The following PTPRQ variants were observed in gnomAD, a reference collection of about 807,000 sequenced individuals.
PTPRQ encodes protein tyrosine phosphatase receptor type Q, also known as phosphatidylinositol phosphatase PTPRQ.
A neutral mutation model predicts 246.0 loss-of-function variants in PTPRQ; 199 were observed. The observed-to-expected ratio is 0.81, with a 90% confidence interval of 0.72 to 0.91. The LOEUF is 0.91. Ranked by LOEUF, PTPRQ falls within the 40% of genes least tolerant of loss-of-function variation. The pLI is 0.00. For missense variants in PTPRQ, 2,624 were observed against 2,528.4 expected (o/e 1.04, Z -0.81); for synonymous variants, 869 against 853.2 (o/e 1.02, Z -0.32).
At chr12:80,487,980 A>C (rs1011793797) in intron 9 of PTPRQ, among the ~76,000 whole-genome samples, 16 of 152,022 alleles carry the variant, frequency 1.1e-4, no homozygotes, top group Admixed American at 6.6e-5. Flanking sequence ...CTAGGGAAGA[A>C]TCTACTTGCA....
Position 80,444,731 on chromosome 12 carries a change from G to C in PTPRQ, c.55-10G>C. ...AATTTTAATGCAACTATTTGTTTGT[G>C]GTGTTCTAGGTTGATGTTTCCAATG... On this transcript the variant is annotated splice_polypyrimidine_tract_variant and intron_variant, in intron 1 of 44. Coordinates refer to ENST00000644991, the MANE Select transcript of PTPRQ (RefSeq NM_001145026.2). 6.6e-7 allele frequency: 1 copy of C among 1,522,106 alleles called. No individual in the cohort carries two copies. The allele number at this position is 1,522,106 out of a possible 1,614,324, so 94.3% of individuals were successfully genotyped here. A position where few individuals can be genotyped will look rare whatever the true frequency, so the allele number is the denominator to read the frequency against.
chr12:80,550,227 C>T (rs900360323), intron 25 of PTPRQ, among the ~76,000 whole-genome samples: 5 of 152,036 alleles, frequency 3.3e-5, no homozygotes, highest in East Asian at 3.9e-4. Flanking sequence ...GTCCACAAGA[C>T]GAAATTCTCA....
chr12:80,523,963 G>T lies in PTPRQ; in HGVS notation c.2679-10052G>T, dbSNP rs533579617. Among the ~76,000 whole-genome samples the T allele has an allele frequency of 3.9e-5, 6 of 152,188 alleles. No individual in the cohort carries two copies. The East Asian group carries it at 7.7e-4, about 20-fold the overall frequency. On this transcript the variant is annotated intron_variant, in intron 17 of 44. Coordinates refer to ENST00000644991, the MANE Select transcript of PTPRQ (RefSeq NM_001145026.2). ...TTGATCTGTCTAATGTTGACAGGGG[G>T]TGTTAAAGTCTCCCATTATTATTGT... is the stretch of plus-strand genomic sequence containing the variant.
chr12:80,615,919 T>C (rs1028575766), intron 29 of PTPRQ, among the ~76,000 whole-genome samples: 1 of 150,942 alleles, frequency 6.6e-6, no homozygotes, highest in Non-Finnish European at 1.5e-5. Context: ...TCAGCCTTTG[T>C]TCTCAGCGTT....
intron 8 of PTPRQ, among the ~76,000 whole-genome samples, chr12:80,483,251 T>G (rs61950955): frequency 0.54 from 70,849 of 130,890 alleles, 23,132 homozygotes; most frequent in Non-Finnish European, 0.73. Flanking sequence ...TTGGAAATCA[T>G]CATTCTCAGT....
rs947199973 is a variant in PTPRQ at position 80,629,599 on chromosome 12, G to C, written c.5687-2593G>C. On this transcript the variant is annotated intron_variant, in intron 33 of 44. Transcript: ENST00000644991. ...GAAGGGAAATCAGAGGGGTAACAGGGGACCAGACAGTTAATGAGGGACCAG... is the reference window on the plus strand; with the variant it reads ...GAAGGGAAATCAGAGGGGTAACAGGCGACCAGACAGTTAATGAGGGACCAG... 1.1e-4 allele frequency among the ~76,000 whole-genome samples: 17 copies of C among 152,116 alleles called. 1 individual carries two copies. Among genetic ancestry groups the C allele is most frequent in the South Asian group, 2.1e-4 (1 of 4,818 alleles).
chr12:80,452,350 T>C (rs1892793854), intron 3 of PTPRQ, among the ~76,000 whole-genome samples: 1 of 152,068 alleles, frequency 6.6e-6, no homozygotes, highest in Non-Finnish European at 1.5e-5. Context: ...AATTGGAGCA[T>C]TTAGTCCATT....
At chr12:80,534,252 A>G in intron 18 of PTPRQ, 77 bp downstream of exon 18, 3 of 1,341,326 alleles carry the variant, frequency 2.2e-6, no homozygotes, top group Non-Finnish European at 2.9e-6. Context: ...AAAATATTCA[A>G]ATATCAAAAT....
intron 37 of PTPRQ, among the ~76,000 whole-genome samples, chr12:80,650,939 A>G (rs1335473139): frequency 6.6e-6 from 1 of 152,056 alleles, no homozygotes; most frequent in Non-Finnish European, 1.5e-5. Flanking sequence ...TCTAAAGCAA[A>G]TTATTAAATT....
chr12:80,676,274 T>C (rs1464376067), intron 43 of PTPRQ, among the ~76,000 whole-genome samples: 1 of 152,196 alleles, frequency 6.6e-6, no homozygotes, highest in East Asian at 1.9e-4. Flanking sequence ...ACTTCAGCAA[T>C]ATACTGCCAC....
Position 80,652,787 on chromosome 12 carries a change from A to T in PTPRQ, c.6068A>T (p.Asp2023Val). ...FLQDLSSTDA[D>V]LPWNRAKNRF... ...CAGGATCTTTCTTCAACTGATGCTGATCTGCCTTGGAATAGAGCAAAAAAC... is the reference window on the plus strand; with the variant it reads ...CAGGATCTTTCTTCAACTGATGCTGTTCTGCCTTGGAATAGAGCAAAAAAC... Residue 2023 changes from aspartate to valine, a missense_variant, in exon 38 of 45, where the codon GAT (aspartate) becomes GTT (valine). Asp to Val is a radical substitution (Grantham distance 152, BLOSUM62 -3). Coordinates refer to ENST00000644991, the MANE Select transcript of PTPRQ (RefSeq NM_001145026.2). 5.3e-6 allele frequency: 8 copies of T among 1,514,904 alleles called. No individual in the cohort carries two copies. The highest frequency in any genetic ancestry group is 6.2e-6 in the Non-Finnish European group (7 of 1,132,524). The allele number at this position is 1,514,904 out of a possible 1,614,324, so 93.8% of individuals were successfully genotyped here. A position where few individuals can be genotyped will look rare whatever the true frequency, so the allele number is the denominator to read the frequency against.
chr12:80,510,465 A>G (rs2094226011), intron 17 of PTPRQ, 22 bp downstream of exon 17: 11 of 1,525,362 alleles, frequency 7.2e-6, no homozygotes, highest in South Asian at 3.8e-5. Context: ...TTTTTTGGAA[A>G]TAGTTCTGAG....
intron 28 of PTPRQ, 22 bp from the exon 29 acceptor site, chr12:80,613,570 A>G: frequency 6.8e-7 from 1 of 1,477,014 alleles, no homozygotes; most frequent in Non-Finnish European, 9.0e-7. Flanking sequence ...TTAAAAATTA[A>G]TTGTTAAATA....
At chr12:80,558,140 T>TTTCTTTTCTTTTCTTTTCTTTTCTTTTC (rs1896709275) in intron 25 of PTPRQ, among the ~76,000 whole-genome samples, 2 of 128,872 alleles carry the variant, frequency 1.6e-5, no homozygotes, top group Non-Finnish European at 3.1e-5. Flanking sequence ...TTTCTTTTCT[T>TTTCTTTTCTTTTCTTTTCTTTTCTTTTC]TTCTTTTCTT....
chr12:80,515,546 G>A (rs566279365), intron 17 of PTPRQ, among the ~76,000 whole-genome samples: 5 of 151,256 alleles, frequency 3.3e-5, no homozygotes, highest in Middle Eastern at 3.4e-3. Flanking sequence ...TCAGCCTCCC[G>A]AGTAGCTGGG....
chr12:80,593,892 A>C (rs1226231362), intron 26 of PTPRQ, among the ~76,000 whole-genome samples: 1 of 152,024 alleles, frequency 6.6e-6, no homozygotes, highest in Non-Finnish European at 1.5e-5. Context: ...GGACTCTCAT[A>C]ATGTGCGTCT....
Position 80,542,234 on chromosome 12 carries a change from C to G in PTPRQ, c.3591C>G (p.Phe1197Leu). ...AAGGACCAAATGAAAATTATTCTTT[C>G]ATTACTTCTGATAATTACATAATAT... ...TLQGPNENYS[F>L]ITSDNYIILE... The change falls in exon 22 of 45, where the codon TTC becomes TTG. Residue 1197 changes from phenylalanine (F) to leucine (L), a missense_variant. Phe to Leu is a conservative substitution (Grantham distance 22, BLOSUM62 0). Transcript: ENST00000644991. 1 of 1,550,856 alleles carries G rather than the reference C, an allele frequency of 6.4e-7. No homozygotes were observed. The highest frequency in any genetic ancestry group is 8.7e-7 in the Non-Finnish European group (1 of 1,146,472).
chr12:80,609,469 A>G (rs1211014481), intron 27 of PTPRQ, among the ~76,000 whole-genome samples: 1 of 150,618 alleles, frequency 6.6e-6, no homozygotes, highest in Admixed American at 6.6e-5. Context: ...TGAAAGTAGT[A>G]TGTATGATAG....
intron 8 of PTPRQ, among the ~76,000 whole-genome samples, chr12:80,479,304 T>A (rs1009206454): frequency 5.4e-5 from 8 of 149,268 alleles, no homozygotes; most frequent in East Asian, 3.9e-4. Context: ...AGAAATAAAA[T>A]ACTTTACAGA....
Sources: gnomAD v4.1 joint callset for allele counts (sites outside exome capture counted in the v4.1 genomes callset) on GRCh38, gnomAD v4.1.1 for gene constraint, MANE v1.5 for transcripts, NCBI Gene and HGNC (gene_info 2026-07-23, HGNC 2026-07-21) for gene names.